The following L3MBTL4 variants were observed in gnomAD, a reference collection of about 807,000 sequenced individuals.
The protein encoded by L3MBTL4 is L3MBTL histone methyl-lysine binding protein 4.
Under a neutral mutation model 84.5 loss-of-function variants are expected in L3MBTL4, and 70 were observed. The ratio of observed to expected loss-of-function variants is 0.83; its 90% CI spans 0.68 to 1.01. The LOEUF (loss-of-function observed/expected upper bound fraction) is 1.01, where lower values mean the gene tolerates loss of function less well. Among genes scored for constraint, L3MBTL4 ranks in the 50% least tolerant of loss-of-function variants. The pLI, the probability that L3MBTL4 is intolerant of heterozygous loss-of-function variation, is 0.00. For synonymous variants in L3MBTL4, 274 were observed against 259.8 expected (o/e 1.05, Z -0.52); for missense variants, 715 against 754.8 (o/e 0.95, Z 0.62).
intron 14 of L3MBTL4, among the ~76,000 whole-genome samples, chr18:6,112,453 G>C (rs1469378961): frequency 6.6e-6 from 1 of 152,152 alleles, no homozygotes; most frequent in African/African-American, 2.4e-5. Context: ...CACAACTATA[G>C]CCTGTAAGGA....
At chr18:6,071,317 G>C (rs572975) in intron 16 of L3MBTL4, among the ~76,000 whole-genome samples, 76 of 151,702 alleles carry the variant, frequency 5.0e-4, no homozygotes, top group Non-Finnish European at 8.8e-4. Flanking sequence ...CTTGAACCCA[G>C]GAGGTGGAGG....
chr18:6,043,216 G>T (rs964743337), intron 16 of L3MBTL4, among the ~76,000 whole-genome samples: 1 of 152,066 alleles, frequency 6.6e-6, no homozygotes, highest in African/African-American at 2.4e-5. Flanking sequence ...TGATCAATGT[G>T]TATCTGTTCT....
rs73938709 is a variant in L3MBTL4, at chr18:6,000,765, C to A, written c.1445-31203G>T. 4.6e-3 allele frequency among the ~76,000 whole-genome samples: 697 copies of A among 152,244 alleles called. 5 individuals carry two copies. Among genetic ancestry groups the A allele is most frequent in the African/African-American group, 0.016 (667 of 41,530 alleles). ...ACCTATCTTAGTAAAGTTTTTGGAG[C>A]TTAAAGATAAACACTCATTACAGCA... On this transcript the variant is annotated intron_variant, in intron 16 of 18. Transcript: ENST00000317931.
intron 17 of L3MBTL4, among the ~76,000 whole-genome samples, chr18:5,968,969 A>G (rs2144786106): frequency 6.6e-6 from 1 of 152,194 alleles, no homozygotes. Context: ...TGGCAAATGG[A>G]TCCTTGAGGT....
intron 1 of L3MBTL4, among the ~76,000 whole-genome samples, chr18:6,365,645 T>G (rs998456839): frequency 1.3e-5 from 2 of 152,160 alleles, no homozygotes; most frequent in Non-Finnish European, 2.9e-5. Context: ...AAGAAGAGCT[T>G]GTAAAGTCAA....
intron 4 of L3MBTL4, among the ~76,000 whole-genome samples, chr18:6,280,789 A>G (rs389935): frequency 0.23 from 34,706 of 152,100 alleles, 4,598 homozygotes; most frequent in African/African-American, 0.36. Flanking sequence ...AAGTGACCAC[A>G]ACAGGAGCAC....
intron 12 of L3MBTL4, among the ~76,000 whole-genome samples, chr18:6,203,116 T>G (rs1223166497): frequency 6.6e-6 from 1 of 152,168 alleles, no homozygotes; most frequent in Non-Finnish European, 1.5e-5. Flanking sequence ...ACCAATGCCT[T>G]GGCCAGTGCC....
chr18:6,179,758 G>C (rs561378092), intron 12 of L3MBTL4, among the ~76,000 whole-genome samples: 5 of 152,152 alleles, frequency 3.3e-5, no homozygotes, highest in African/African-American at 1.2e-4. Context: ...CTCCCAAATA[G>C]CTGGAACTAC....
intron 1 of L3MBTL4, among the ~76,000 whole-genome samples, chr18:6,404,355 A>T (rs2055635050): frequency 6.6e-6 from 1 of 152,214 alleles, no homozygotes; most frequent in Admixed American, 6.5e-5. Context: ...CAAATGAAAA[A>T]AGAGCATAGG....
chr18:6,353,974 A>C (rs913036952), intron 1 of L3MBTL4, among the ~76,000 whole-genome samples: 1 of 152,176 alleles, frequency 6.6e-6, no homozygotes, highest in Admixed American at 6.5e-5. Flanking sequence ...AGAATAGACA[A>C]AGACAACCTA....
At chr18:6,094,493 C>G (rs1267545411) in intron 14 of L3MBTL4, among the ~76,000 whole-genome samples, 1 of 152,140 alleles carries the variant, frequency 6.6e-6, no homozygotes, top group East Asian at 1.9e-4. Flanking sequence ...GAAATGGTAG[C>G]TGTTATTGCC....
intron 16 of L3MBTL4, among the ~76,000 whole-genome samples, chr18:5,971,077 G>C (rs1202611133): frequency 6.6e-6 from 1 of 152,222 alleles, no homozygotes; most frequent in African/African-American, 2.4e-5. Flanking sequence ...GACCTTTTTA[G>C]TATGTAAATA....
At chr18:6,272,306 C>T (rs953132940) in intron 4 of L3MBTL4, among the ~76,000 whole-genome samples, 9 of 152,178 alleles carry the variant, frequency 5.9e-5, no homozygotes, top group African/African-American at 2.2e-4. Flanking sequence ...GATGGGAGGG[C>T]ACCCTACCAA....
chr18:6,213,901 G>T (rs1459702141), intron 11 of L3MBTL4, among the ~76,000 whole-genome samples: 1 of 152,102 alleles, frequency 6.6e-6, no homozygotes, highest in Non-Finnish European at 1.5e-5. Context: ...TCCTATATTA[G>T]TTTAGTTTTT....
intron 14 of L3MBTL4, among the ~76,000 whole-genome samples, chr18:6,131,158 C>A (rs2059864516): frequency 6.6e-6 from 1 of 152,122 alleles, no homozygotes; most frequent in Non-Finnish European, 1.5e-5. Context: ...TTTCAAAACA[C>A]CAAGGCTTCA....
chr18:5,959,298 C>A (rs1284070818), intron 18 of L3MBTL4, among the ~76,000 whole-genome samples: 6 of 152,194 alleles, frequency 3.9e-5, no homozygotes, highest in Non-Finnish European at 8.8e-5. Context: ...CCTCACCTTC[C>A]TGGGCCTGAG....
At chr18:6,185,960 C>CTTTAT (rs771825177) in intron 12 of L3MBTL4, among the ~76,000 whole-genome samples, 18,525 of 145,812 alleles carry the variant, frequency 0.13, 1,351 homozygotes, top group Non-Finnish European at 0.15. Flanking sequence ...AGGGCACTTT[C>CTTTAT]TTTATTTTAT....
intron 14 of L3MBTL4, among the ~76,000 whole-genome samples, chr18:6,133,661 G>A (rs2059943891): frequency 6.6e-6 from 1 of 152,180 alleles, no homozygotes; most frequent in Non-Finnish European, 1.5e-5. Flanking sequence ...CCTACCCCAG[G>A]AATGTCAGGC....
chr18:6,239,619 T>C, intron 9 of L3MBTL4, 99 bp downstream of exon 9: 1 of 1,170,176 alleles, frequency 8.5e-7, no homozygotes, highest in Admixed American at 1.8e-5. Flanking sequence ...TGCTCATCAC[T>C]ATTAGAAGAG....
Sources: gnomAD v4.1 joint callset for allele counts (sites outside exome capture counted in the v4.1 genomes callset) on GRCh38, gnomAD v4.1.1 for gene constraint, MANE v1.5 for transcripts, NCBI Gene and HGNC (gene_info 2026-07-23, HGNC 2026-07-21) for gene names.